THAP8: variants seen among roughly 807,000 people sequenced by gnomAD.
THAP8 encodes THAP domain-containing protein 8.
THAP8 carries 24 observed loss-of-function variants against 25.0 expected under a neutral mutation model. The observed-to-expected ratio is 0.96, with a 90% CI of 0.69 to 1.35. THAP8 has a LOEUF of 1.35. THAP8 is among the 40% of genes most tolerant of loss of function. The pLI, the probability that THAP8 is intolerant of heterozygous loss-of-function variation, is 0.00. For synonymous variants in THAP8, 169 were observed against 157.6 expected (o/e 1.07, Z -0.54); for missense variants, 399 against 368.8 (o/e 1.08, Z -0.67).
Position 36,039,760 on chromosome 19 carries a change from C to G in THAP8, c.277-42G>C, listed in dbSNP as rs1200809453. On this transcript the variant is annotated intron_variant, in intron 2 of 3. Transcript: ENST00000292894. ...GGGGTGCAGGGGTGCCGTGGTCAGA[C>G]TTCGACTCAGGAGGAAAGGGATGGA... 2.7e-6 allele frequency: 4 copies of G among 1,486,146 alleles called. No homozygotes were observed. In the African/African-American group the frequency reaches 4.2e-5, roughly 16 times the overall value. 92.1% of individuals were successfully genotyped at this position (1,486,146 alleles called of 1,614,324 possible).
rs768297392 is a variant in THAP8 at position 36,035,497 on chromosome 19, T to C, written c.768A>G (p.Ala256=). 1.9e-6 allele frequency: 3 copies of C among 1,613,208 alleles called. No homozygotes were observed. Among genetic ancestry groups the C allele is most frequent in the Non-Finnish European group, 2.5e-6 (3 of 1,179,878 alleles). Residue 256 remains alanine (A), a synonymous_variant, in exon 4 of 4, where the codon GCA becomes GCG. Transcript: ENST00000292894. ...DIAMVLAQDP[A]PATVDAKPEL... ...CCGGCTTGGCATCCACTGTGGCAGG[T>C]GCAGGGTCCTGGGCAAGGACCATGG... is the stretch of plus-strand genomic sequence containing the variant.
chr19:36,054,351 G>T, upstream of THAP8: 3 of 1,113,640 alleles, frequency 2.7e-6, no homozygotes, highest in Non-Finnish European at 3.9e-6. Context: ...TCACGTACCG[G>T]GGAGAGAGCT....
At chr19:36,048,334 G>T (rs544103595) in intron 1 of THAP8, among the ~76,000 whole-genome samples, 3 of 151,582 alleles carry the variant, frequency 2.0e-5, no homozygotes, top group Non-Finnish European at 4.4e-5. Flanking sequence ...GAGCCCAGGA[G>T]TTCCAGCCTG....
At chr19:36,049,775 A>G (rs2145457579) in intron 1 of THAP8, among the ~76,000 whole-genome samples, 1 of 152,350 alleles carries the variant, frequency 6.6e-6, no homozygotes, top group African/African-American at 2.4e-5. Flanking sequence ...GAAACGGGCC[A>G]GGCACGGTTG....
At chr19:36,050,712 T>G (rs1052364947) in intron 1 of THAP8, among the ~76,000 whole-genome samples, 1 of 152,182 alleles carries the variant, frequency 6.6e-6, no homozygotes, top group Non-Finnish European at 1.5e-5. Flanking sequence ...TCAGGATTCT[T>G]TGTGTCCAGC....
chr19:36,035,672 G>A, intron 3 of THAP8, 80 bp from the exon 4 acceptor site: 1 of 1,524,302 alleles, frequency 6.6e-7, no homozygotes, highest in Non-Finnish European at 8.9e-7. Context: ...GTGAGGAACA[G>A]GGAGGCAAAG....
At chr19:36,042,240 T>C (rs1161711113) in intron 1 of THAP8, among the ~76,000 whole-genome samples, 1 of 151,994 alleles carries the variant, frequency 6.6e-6, no homozygotes, top group Admixed American at 6.6e-5. Context: ...CACTGAAAAA[T>C]AGAATTACCA....
chr19:36,049,436 T>C (rs550821008), intron 1 of THAP8, among the ~76,000 whole-genome samples: 11 of 152,228 alleles, frequency 7.2e-5, no homozygotes, highest in Admixed American at 4.6e-4. Flanking sequence ...AGTTATTTCC[T>C]GGCAGCCACT....
intron 1 of THAP8, among the ~76,000 whole-genome samples, chr19:36,048,244 G>C (rs1568554757): frequency 1.3e-5 from 2 of 152,096 alleles, no homozygotes; most frequent in Non-Finnish European, 1.5e-5. Context: ...GTGTGAGCAA[G>C]AAATACACCT....
chr19:36,038,312 A>G (rs976405195), intron 3 of THAP8, among the ~76,000 whole-genome samples: 5 of 151,940 alleles, frequency 3.3e-5, no homozygotes, highest in African/African-American at 1.2e-4. Context: ...CCCGGGCTAG[A>G]GTGCAGTGGT....
chr19:36,035,098 C>T lies in THAP8; in HGVS notation c.*342G>A, dbSNP rs1408780096. 4.6e-6 allele frequency: 1 copy of T among 219,760 alleles called. No individual in the cohort carries two copies. The highest frequency in any genetic ancestry group is 9.0e-6 in the Non-Finnish European group (1 of 111,484). The allele number at this position is 219,760 out of a possible 1,614,324, so 13.6% of individuals were successfully genotyped here. ...TGTGTCCACCATGGTATCATGAACT[C>T]AGTACCAGGCTTGGCAAAAAGCGTG... is the stretch of plus-strand genomic sequence containing the variant. On this transcript the variant is annotated 3_prime_UTR_variant, in exon 4 of 4. Transcript: ENST00000292894.
intron 3 of THAP8, among the ~76,000 whole-genome samples, chr19:36,036,295 A>ATTTTTTT (rs1245858015): frequency 0.019 from 909 of 46,682 alleles, 7 homozygotes; most frequent in South Asian, 0.057. Flanking sequence ...TTTTTTTTTG[A>ATTTTTTT]GACAGAGTCT....
At position 36,039,610 on chromosome 19, in the gene THAP8, G is replaced by A. The variant is rs928987399; in HGVS notation, c.385C>T (p.Arg129Cys). 25 of 1,510,404 alleles carry A rather than the reference G, an allele frequency of 1.7e-5. No homozygotes were observed. Among genetic ancestry groups the A allele is most frequent in the African/African-American group, 5.6e-5 (4 of 71,866 alleles). 93.6% of individuals were successfully genotyped at this position (1,510,404 alleles called of 1,614,324 possible). The change falls in exon 3 of 4, where the codon CGC becomes TGC. Residue 129 changes from arginine to cysteine, a missense_variant. Coordinates refer to ENST00000292894, the MANE Select transcript of THAP8 (RefSeq NM_152658.3). ...GATGTGGGGCCCAGCACCACTAGGCGCACTGGGCCAGAGACTGGGATGGCA... is the reference window on the plus strand; with the variant it reads ...GATGTGGGGCCCAGCACCACTAGGCACACTGGGCCAGAGACTGGGATGGCA... ...SPAIPVSGPVRLVVLGPTSGS... is the reference protein window; with the variant it reads ...SPAIPVSGPVCLVVLGPTSGS...
chr19:36,054,286 A>C, upstream of THAP8: 1 of 1,534,734 alleles, frequency 6.5e-7, no homozygotes, highest in Non-Finnish European at 8.8e-7. Context: ...AGCGCCGCCT[A>C]ACCCCGCCCC....
chr19:36,049,173 T>A (rs1254285959), intron 1 of THAP8, among the ~76,000 whole-genome samples: 1 of 151,898 alleles, frequency 6.6e-6, no homozygotes, highest in African/African-American at 2.4e-5. Context: ...TGGGTTATTG[T>A]TAAGCTGATT....
chr19:36,048,220 CT>C (rs1185476975), intron 1 of THAP8, among the ~76,000 whole-genome samples: 1 of 152,164 alleles, frequency 6.6e-6, no homozygotes, highest in African/African-American at 2.4e-5. Context: ...CACAAATGAC[CT>C]GCAAAGGACA....
chr19:36,054,475 C>G, upstream of THAP8: 1 of 586,502 alleles, frequency 1.7e-6, no homozygotes, highest in South Asian at 2.0e-5. Context: ...CCTTCGTCAC[C>G]CCGACTTTCA....
intron 3 of THAP8, among the ~76,000 whole-genome samples, chr19:36,037,316 A>G (rs1969502503): frequency 6.8e-6 from 1 of 147,158 alleles, no homozygotes; most frequent in Non-Finnish European, 1.5e-5. Flanking sequence ...ACACACACAC[A>G]CAAACACCTT....
At chr19:36,047,392 T>C (rs536713220) in intron 1 of THAP8, among the ~76,000 whole-genome samples, 1 of 152,364 alleles carries the variant, frequency 6.6e-6, no homozygotes, top group South Asian at 2.1e-4. Flanking sequence ...TGATTCAGTT[T>C]AGACCTGAAC....
Sources: gnomAD v4.1 joint callset for allele counts (sites outside exome capture counted in the v4.1 genomes callset) on GRCh38, gnomAD v4.1.1 for gene constraint, MANE v1.5 for transcripts, NCBI Gene and HGNC (gene_info 2026-07-23, HGNC 2026-07-21) for gene names.